OCLN: variants seen among roughly 807,000 people sequenced by gnomAD.
The protein encoded by OCLN is phosphatase 1, regulatory subunit 115.
In OCLN, 21 loss-of-function variants were observed where a neutral mutation model predicts 47.9. The observed-to-expected ratio is 0.44, with a 90% CI of 0.31 to 0.63. OCLN has a LOEUF of 0.63. Ranked by LOEUF, OCLN falls within the 30% of genes least tolerant of loss-of-function variation. The probability of loss-of-function intolerance (pLI) is 0.08; values close to 1 mark genes in which losing one functional copy is unlikely to be tolerated. For synonymous variants in OCLN, 117 were observed against 198.4 expected, an observed-to-expected ratio of 0.59 and a Z score of 3.45; for missense variants, 360 against 571.0, an observed-to-expected ratio of 0.63 and a Z score of 3.77.
At chr5:69,519,514 T>G (rs1161790453) in intron 4 of OCLN, among the ~76,000 whole-genome samples, 1 of 152,222 alleles carries the variant, frequency 6.6e-6, no homozygotes, top group Non-Finnish European at 1.5e-5. Flanking sequence ...AAACAGCTCA[T>G]GTTTGCACGC....
intron 4 of OCLN, among the ~76,000 whole-genome samples, chr5:69,528,913 G>A (rs1367370924): frequency 6.6e-6 from 1 of 152,162 alleles, no homozygotes; most frequent in African/African-American, 2.4e-5. Context: ...GTGAACTAGG[G>A]ATGAAATTAG....
Position 69,532,602 on chromosome 5 carries a change from A to G in OCLN, c.892-2092A>G, listed in dbSNP as rs183990212. Among the ~76,000 whole-genome samples the G allele has an allele frequency of 2.6e-3, 398 of 152,164 alleles. 1 individual carries two copies. Among genetic ancestry groups the G allele is most frequent in the Middle Eastern group, 6.8e-3 (2 of 294 alleles). The stretch of plus-strand genomic sequence containing the variant: ...TTTTCCAATTTTTTTTCTCAATTAC[A>G]GAGTGATATGTAATAATTTAAAGGC... On this transcript the variant is annotated intron_variant, in intron 4 of 8. Coordinates refer to ENST00000396442, the MANE Select transcript of OCLN (RefSeq NM_001205254.2).
At chr5:69,522,098 A>G (rs1769154457) in intron 4 of OCLN, among the ~76,000 whole-genome samples, 1 of 152,150 alleles carries the variant, frequency 6.6e-6, no homozygotes, top group Non-Finnish European at 1.5e-5. Flanking sequence ...GGCCTCCCAA[A>G]GTGTTGGGAT....
intron 4 of OCLN, among the ~76,000 whole-genome samples, chr5:69,515,671 C>T (rs912196099): frequency 6.8e-6 from 1 of 146,348 alleles, no homozygotes; most frequent in East Asian, 2.2e-4. Flanking sequence ...GGGGTAGCTG[C>T]CGGGCAGAGA....
chr5:69,496,491 T>C (rs1467651581), intron 1 of OCLN, among the ~76,000 whole-genome samples: 1 of 152,090 alleles, frequency 6.6e-6, no homozygotes, highest in Non-Finnish European at 1.5e-5. Flanking sequence ...TATTTTTCAC[T>C]TATTGACAGT....
At chr5:69,516,323 C>T (rs1768967379) in intron 4 of OCLN, among the ~76,000 whole-genome samples, 1 of 152,216 alleles carries the variant, frequency 6.6e-6, no homozygotes, top group Non-Finnish European at 1.5e-5. Context: ...AGCGAAACCC[C>T]GTCTCCACCA....
At chr5:69,516,098 G>A (rs1410410011) in intron 4 of OCLN, among the ~76,000 whole-genome samples, 3 of 151,624 alleles carry the variant, frequency 2.0e-5, no homozygotes, top group Non-Finnish European at 2.9e-5. Flanking sequence ...ACGGGGTGGC[G>A]GCCGGGCAGA....
chr5:69,507,463 A>G (rs1197507760), intron 2 of OCLN, among the ~76,000 whole-genome samples: 1 of 152,154 alleles, frequency 6.6e-6, no homozygotes, highest in Non-Finnish European at 1.5e-5. Context: ...TGTAAATATA[A>G]TAATGCGATA....
intron 1 of OCLN, among the ~76,000 whole-genome samples, chr5:69,501,542 T>C (rs1329144433): frequency 6.6e-6 from 1 of 151,760 alleles, no homozygotes; most frequent in Admixed American, 6.6e-5. Context: ...GGCAGGAGGA[T>C]TGCTTGAGCC....
intron 1 of OCLN, among the ~76,000 whole-genome samples, chr5:69,494,453 T>G (rs908612128): frequency 6.6e-6 from 1 of 152,272 alleles, no homozygotes; most frequent in Non-Finnish European, 1.5e-5. Context: ...CCCAAAGTGC[T>G]GGGATTACAG....
intron 1 of OCLN, among the ~76,000 whole-genome samples, chr5:69,499,212 A>AT (rs1768388367): frequency 6.6e-6 from 1 of 152,018 alleles, no homozygotes; most frequent in Non-Finnish European, 1.5e-5. Context: ...TGGAACTTAC[A>AT]GGGATGTGCC....
intron 4 of OCLN, among the ~76,000 whole-genome samples, chr5:69,527,043 C>G (rs542703192): frequency 1.3e-5 from 2 of 152,150 alleles, no homozygotes; most frequent in African/African-American, 4.8e-5. Context: ...TTTGGGAGGC[C>G]GAGGCGGGCG....
At chr5:69,510,412 T>C (rs188197726) in intron 3 of OCLN, among the ~76,000 whole-genome samples, 1 of 152,280 alleles carries the variant, frequency 6.6e-6, no homozygotes, top group African/African-American at 2.4e-5. Context: ...CTGGGCACGG[T>C]GGCTCATGCT....
Position 69,493,132 on chromosome 5 carries a change from C to T in OCLN, c.-69+232C>T, listed in dbSNP as rs112668231. 0.067 allele frequency among the ~76,000 whole-genome samples: 10,153 copies of T among 152,186 alleles called. 381 individuals are homozygous for T. Among genetic ancestry groups the T allele is most frequent in the South Asian group, 0.12 (588 of 4,814 alleles). On this transcript the variant is annotated intron_variant, in intron 1 of 8. Coordinates refer to ENST00000396442, the MANE Select transcript of OCLN (RefSeq NM_001205254.2). The surrounding 1 kb of genome is among the most constrained non-coding windows in gnomAD (Gnocchi z 5.3). ...CCTGGGGCGAGGGGTGGCTTGGAGCCGCCGATCAAGCTTTATTCCGCGGAA... is the reference window on the plus strand; with the variant it reads ...CCTGGGGCGAGGGGTGGCTTGGAGCTGCCGATCAAGCTTTATTCCGCGGAA...
At chr5:69,515,013 A>G (rs1768890351) in intron 4 of OCLN, among the ~76,000 whole-genome samples, 1 of 152,106 alleles carries the variant, frequency 6.6e-6, no homozygotes. Flanking sequence ...CATTGTCATC[A>G]TGGCCCTTTC....
intron 1 of OCLN, among the ~76,000 whole-genome samples, chr5:69,494,661 A>G (rs1768242996): frequency 6.6e-6 from 1 of 152,198 alleles, no homozygotes; most frequent in Admixed American, 6.5e-5. Context: ...TCGGTAAGAC[A>G]TGATTCTCCA....
intron 4 of OCLN, among the ~76,000 whole-genome samples, chr5:69,529,104 T>C (rs1380523758): frequency 6.6e-6 from 1 of 152,212 alleles, no homozygotes; most frequent in Non-Finnish European, 1.5e-5. Flanking sequence ...CTTGACCTTT[T>C]TATTCCTTCT....
At chr5:69,533,492 T>TAC (rs1176391323) in intron 4 of OCLN, among the ~76,000 whole-genome samples, 2,113 of 152,274 alleles carry the variant, frequency 0.014, 50 homozygotes, top group African/African-American at 0.048. Flanking sequence ...GCCCAGTGTG[T>TAC]AGCATTGTTA....
Position 69,509,741 on chromosome 5 carries a change from C to T in OCLN, c.651C>T (p.Asn217=). 6.2e-7 allele frequency: 1 copy of T among 1,614,094 alleles called. No homozygotes were observed. Among genetic ancestry groups the T allele is most frequent in the Non-Finnish European group, 8.5e-7 (1 of 1,179,994 alleles). Residue 217 remains asparagine (N), a synonymous_variant, in exon 3 of 9, where the codon AAC becomes AAT. Transcript: ENST00000396442. ...LYGSQIYALC[N]QFYTPAATGL... Reference sequence around the variant, plus strand: ...GTTCACAAATATATGCCCTCTGCAACCAATTTTATACACCTGCAGCTACTG... The same window carrying T: ...GTTCACAAATATATGCCCTCTGCAATCAATTTTATACACCTGCAGCTACTG...
Sources: allele counts gnomAD v4.1 joint callset (sites outside exome capture counted in the v4.1 genomes callset), GRCh38; gene constraint gnomAD v4.1.1; non-coding constraint Gnocchi (gnomAD v3.1); transcripts MANE v1.5; gene names NCBI Gene and HGNC (gene_info 2026-07-23, HGNC 2026-07-21).